The following ACSM1 variants were observed in gnomAD, a reference collection of about 807,000 sequenced individuals.
The protein encoded by ACSM1 is acyl-CoA synthetase medium chain family member 1.
A neutral mutation model predicts 75.8 loss-of-function variants in ACSM1; 79 were observed. The observed-to-expected ratio is 1.04, with a 90% confidence interval of 0.87 to 1.26. The LOEUF is 1.26. ACSM1 is among the 50% of genes most tolerant of loss of function. ACSM1 has a pLI of 0.00. For missense variants in ACSM1, 676 were observed against 720.1 expected, an observed-to-expected ratio of 0.94 and a Z score of 0.70; for synonymous variants, 279 against 265.8, an observed-to-expected ratio of 1.05 and a Z score of -0.48.
chr16:20,635,578 CTTTTTCTT>C (rs1332967995), intron 10 of ACSM1, among the ~76,000 whole-genome samples: 168 of 145,940 alleles, frequency 1.2e-3, no homozygotes, highest in Middle Eastern at 3.6e-3. Flanking sequence ...TTTAATTTTT[CTTTTTCTT>C]TCTTTCTTTC....
chr16:20,625,241 T>C (rs2016847934), intron 12 of ACSM1, among the ~76,000 whole-genome samples, 182 bp downstream of exon 12: 1 of 152,214 alleles, frequency 6.6e-6, no homozygotes, highest in African/African-American at 2.4e-5. Context: ...TTACATAGTA[T>C]CTAGCATCCT....
intron 13 of ACSM1, 143 bp from the exon 14 acceptor site, chr16:20,623,715 C>A: frequency 1.2e-6 from 1 of 864,096 alleles, no homozygotes; most frequent in South Asian, 1.7e-5. Context: ...CCAAGTATTT[C>A]AGGTTCTCCC....
Position 20,673,378 on chromosome 16 carries a change from C to T in ACSM1, c.612-1707G>A, listed in dbSNP as rs565418937. ...GGTATCATACTGACTTTGGGAAATTCGAGGGATTTTTCAAGAGTACTCTGT... is the reference window on the plus strand; with the variant it reads ...GGTATCATACTGACTTTGGGAAATTTGAGGGATTTTTCAAGAGTACTCTGT... On this transcript the variant is annotated intron_variant, in intron 4 of 13. Coordinates refer to ENST00000520010, the MANE Select transcript of ACSM1 (RefSeq NM_001318890.3). Among the ~76,000 whole-genome samples, 7 of 152,132 alleles carry T rather than the reference C, an allele frequency of 4.6e-5. No individual in the cohort carries two copies. In the East Asian group the frequency reaches 7.7e-4, roughly 17 times the overall value.
At chr16:20,638,402 G>T (rs1416170935) in intron 8 of ACSM1, among the ~76,000 whole-genome samples, 1 of 152,104 alleles carries the variant, frequency 6.6e-6, no homozygotes, top group Non-Finnish European at 1.5e-5. Flanking sequence ...CAGCCCACAG[G>T]GCATTATAAT....
intron 10 of ACSM1, among the ~76,000 whole-genome samples, chr16:20,633,411 T>C (rs2017469473): frequency 6.6e-6 from 1 of 152,112 alleles, no homozygotes; most frequent in African/African-American, 2.4e-5. Flanking sequence ...AGAAAGCAAT[T>C]CTATTTACAA....
intron 4 of ACSM1, chr16:20,676,019 G>C (rs1297482721): frequency 6.6e-6 from 1 of 152,238 alleles, no homozygotes; most frequent in African/African-American, 2.4e-5. Flanking sequence ...AGAACCACAG[G>C]AGGGAATAGA....
At chr16:20,650,998 G>A (rs1223105866) in intron 7 of ACSM1, among the ~76,000 whole-genome samples, 1 of 151,894 alleles carries the variant, frequency 6.6e-6, no homozygotes, top group African/African-American at 2.4e-5. Context: ...CTAAAGTACT[G>A]AAGTAATAGC....
chr16:20,635,839 C>G (rs986089790), intron 10 of ACSM1, among the ~76,000 whole-genome samples: 5 of 152,128 alleles, frequency 3.3e-5, no homozygotes, highest in African/African-American at 1.2e-4. Context: ...TGGGGTTTCA[C>G]TGTGTCAACC....
chr16:20,672,457 A>AAAAT (rs1170775203), intron 4 of ACSM1, among the ~76,000 whole-genome samples: 5 of 109,696 alleles, frequency 4.6e-5, no homozygotes, highest in African/African-American at 1.8e-4. Flanking sequence ...TCAAAAAAAA[A>AAAAT]AAAAAAAAAA....
chr16:20,632,520 T>C (rs780024122), intron 10 of ACSM1, among the ~76,000 whole-genome samples: 2 of 152,148 alleles, frequency 1.3e-5, no homozygotes, highest in Non-Finnish European at 1.5e-5. Flanking sequence ...GATCTGTAAC[T>C]CATAAGGAGG....
chr16:20,689,110 G>A (rs1299908609), intron 2 of ACSM1, among the ~76,000 whole-genome samples: 1 of 150,900 alleles, frequency 6.6e-6, no homozygotes, highest in East Asian at 1.9e-4. Flanking sequence ...GTGTGGGGAG[G>A]GGCTGGCTGG....
chr16:20,695,654 C>G (rs1201577806), intron 1 of ACSM1, among the ~76,000 whole-genome samples: 1 of 150,558 alleles, frequency 6.6e-6, no homozygotes, highest in Non-Finnish European at 1.5e-5. Context: ...ATCTATCTAC[C>G]TATTACCTAT....
intron 7 of ACSM1, among the ~76,000 whole-genome samples, chr16:20,642,153 G>A (rs976090037): frequency 3.9e-5 from 6 of 152,106 alleles, no homozygotes; most frequent in Non-Finnish European, 8.8e-5. Context: ...GTCTTGGTTT[G>A]GTCAACGTGG....
intron 7 of ACSM1, among the ~76,000 whole-genome samples, chr16:20,643,752 T>C (rs553210143): frequency 3.9e-5 from 6 of 152,210 alleles, no homozygotes; most frequent in Non-Finnish European, 8.8e-5. Context: ...AGAGTGCTGA[T>C]TGGTGCATTT....
intron 8 of ACSM1, among the ~76,000 whole-genome samples, chr16:20,638,410 A>G (rs1391901646): frequency 6.6e-6 from 1 of 152,194 alleles, no homozygotes; most frequent in Non-Finnish European, 1.5e-5. Flanking sequence ...AGGGCATTAT[A>G]ATTATTTTTG....
chr16:20,671,629 C>G lies in ACSM1; in HGVS notation c.654G>C (p.Leu218Phe), dbSNP rs746487419. 1.9e-6 allele frequency: 3 copies of G among 1,612,894 alleles called. No individual in the cohort carries two copies. Among genetic ancestry groups the G allele is most frequent in the Admixed American group, 3.3e-5 (2 of 59,864 alleles). Residue 218 changes from leucine to phenylalanine, a missense_variant, in exon 5 of 14, where the codon TTG becomes TTC. Physicochemically the swap from Leu to Phe is conservative, Grantham distance 22. Transcript: ENST00000520010. ...PEHTCVKSKT[L>F]DPMVIFFTSG... ...TGGTGAAGAAGATGACCATTGGGTC[C>G]AAGGTCTTTGACTTAACACAGGTGT...
At chr16:20,631,802 G>A (rs2017362915) in intron 10 of ACSM1, among the ~76,000 whole-genome samples, 1 of 152,174 alleles carries the variant, frequency 6.6e-6, no homozygotes. Flanking sequence ...ACTTCTAAGT[G>A]GGAGCTAAGC....
At chr16:20,653,830 C>A (rs551227911) in intron 7 of ACSM1, among the ~76,000 whole-genome samples, 23 of 152,230 alleles carry the variant, frequency 1.5e-4, no homozygotes, top group African/African-American at 5.3e-4. Context: ...CCATACTGCC[C>A]AAGGTAATTT....
chr16:20,663,170 G>C (rs151222), intron 6 of ACSM1, among the ~76,000 whole-genome samples: 12,389 of 152,194 alleles, frequency 0.081, 644 homozygotes, highest in East Asian at 0.21. Flanking sequence ...AATGTGCACA[G>C]ACTTGTTGGC....
Sources: allele counts gnomAD v4.1 joint callset (sites outside exome capture counted in the v4.1 genomes callset), GRCh38; gene constraint gnomAD v4.1.1; transcripts MANE v1.5; gene names NCBI Gene and HGNC (gene_info 2026-07-23, HGNC 2026-07-21).